The following CNTNAP5 variants were observed in gnomAD, a reference collection of about 807,000 sequenced individuals.
The protein encoded by CNTNAP5 is contactin associated protein family member 5, also known as contactin-associated protein-like 5.
A neutral mutation model predicts 150.2 loss-of-function variants in CNTNAP5; 72 were observed. The observed-to-expected ratio is 0.48, with a 90% CI of 0.40 to 0.58. The LOEUF (loss-of-function observed/expected upper bound fraction) is 0.58, where lower values mean the gene tolerates loss of function less well. CNTNAP5 is among the 20% of genes least tolerant of loss of function. The probability of loss-of-function intolerance (pLI) is 0.00; values close to 1 mark genes in which losing one functional copy is unlikely to be tolerated. For synonymous variants in CNTNAP5, 672 were observed against 619.8 expected, an observed-to-expected ratio of 1.08 and a Z score of -1.25; for missense variants, 1,636 against 1,626.2, an observed-to-expected ratio of 1.01 and a Z score of -0.10.
At chr2:124,863,491 A>G (rs1677566909) in intron 19 of CNTNAP5, among the ~76,000 whole-genome samples, 1 of 152,216 alleles carries the variant, frequency 6.6e-6, no homozygotes. Flanking sequence ...AACCACAGAA[A>G]GAGAATGAAC....
intron 3 of CNTNAP5, among the ~76,000 whole-genome samples, chr2:124,400,364 A>T (rs1261499683): frequency 1.3e-5 from 2 of 152,154 alleles, no homozygotes; most frequent in Non-Finnish European, 2.9e-5. Context: ...AAGACAAAAA[A>T]GATTTGTCAA....
intron 3 of CNTNAP5, among the ~76,000 whole-genome samples, chr2:124,246,756 T>C (rs1235657660): frequency 6.6e-6 from 1 of 152,158 alleles, no homozygotes; most frequent in Non-Finnish European, 1.5e-5. Flanking sequence ...TCTTCTGCCC[T>C]AATTCAATGT....
chr2:124,842,653 G>C (rs1023904736), intron 19 of CNTNAP5, among the ~76,000 whole-genome samples: 1 of 152,186 alleles, frequency 6.6e-6, no homozygotes, highest in African/African-American at 2.4e-5. Flanking sequence ...AATAGAAGAA[G>C]ATAATTGTTG....
intron 13 of CNTNAP5, among the ~76,000 whole-genome samples, chr2:124,699,318 C>T (rs957521452): frequency 1.2e-4 from 18 of 152,094 alleles, no homozygotes; most frequent in African/African-American, 3.4e-4. Context: ...GCTTTGGATG[C>T]GTTGCCTGTT....
chr2:124,425,565 TC>T (rs1435040416), intron 4 of CNTNAP5, among the ~76,000 whole-genome samples: 8 of 152,192 alleles, frequency 5.3e-5, no homozygotes, highest in Non-Finnish European at 1.2e-4. Flanking sequence ...AGTGGAGTGA[TC>T]ACTATCTTCT....
intron 1 of CNTNAP5, among the ~76,000 whole-genome samples, chr2:124,069,708 G>A (rs2420439): frequency 0.3 from 45,441 of 151,980 alleles, 7,109 homozygotes; most frequent in Admixed American, 0.37. Flanking sequence ...TGATAATCCA[G>A]AGAATTCTTT....
intron 17 of CNTNAP5, among the ~76,000 whole-genome samples, chr2:124,786,394 A>AGAAG (rs1553442110): frequency 1.6e-5 from 1 of 62,040 alleles, no homozygotes; most frequent in African/African-American, 7.2e-5. Context: ...AAAGAAAGAA[A>AGAAG]GAAAGAAGGA....
chr2:124,353,340 G>C (rs1469887939), intron 3 of CNTNAP5, among the ~76,000 whole-genome samples: 1 of 146,278 alleles, frequency 6.8e-6, no homozygotes, highest in African/African-American at 2.5e-5. Context: ...CATAAGAAGA[G>C]AGTGTGACAT....
intron 16 of CNTNAP5, among the ~76,000 whole-genome samples, chr2:124,769,412 C>G (rs142917443): frequency 2.3e-4 from 34 of 150,622 alleles, no homozygotes; most frequent in African/African-American, 8.0e-4. Flanking sequence ...AAGGCTAAGA[C>G]TCCTTAGTTT....
At chr2:124,222,143 T>C (rs536576196) in intron 2 of CNTNAP5, among the ~76,000 whole-genome samples, 1 of 152,246 alleles carries the variant, frequency 6.6e-6, no homozygotes, top group Non-Finnish European at 1.5e-5. Context: ...TATAATAAAA[T>C]ATTTATAATG....
At chr2:124,810,995 T>C (rs1215664093) in intron 19 of CNTNAP5, among the ~76,000 whole-genome samples, 5 of 151,832 alleles carry the variant, frequency 3.3e-5, no homozygotes, top group African/African-American at 9.7e-5. Context: ...TAGAATGAGA[T>C]ACAAGAAAAC....
intron 3 of CNTNAP5, among the ~76,000 whole-genome samples, chr2:124,296,581 C>T (rs558524486): frequency 1.3e-5 from 2 of 152,182 alleles, no homozygotes; most frequent in African/African-American, 4.8e-5. Flanking sequence ...ATACACCACA[C>T]TTTTGTCATT....
chr2:124,446,717 C>T, intron 5 of CNTNAP5, 36 bp from the exon 6 acceptor site: 3 of 1,598,178 alleles, frequency 1.9e-6, no homozygotes. Context: ...TGCCCTTGGA[C>T]ACAGACATCA....
intron 4 of CNTNAP5, among the ~76,000 whole-genome samples, chr2:124,419,794 G>A (rs974087537): frequency 3.9e-5 from 6 of 151,978 alleles, no homozygotes; most frequent in African/African-American, 7.2e-5. Context: ...TTTAAAAAAC[G>A]AATACATTTC....
At chr2:124,192,932 C>A (rs1685494578) in intron 1 of CNTNAP5, among the ~76,000 whole-genome samples, 1 of 152,146 alleles carries the variant, frequency 6.6e-6, no homozygotes, top group Non-Finnish European at 1.5e-5. Flanking sequence ...GCTAGAATTT[C>A]AAAATGAAGG....
intron 19 of CNTNAP5, among the ~76,000 whole-genome samples, chr2:124,827,381 C>A (rs986633387): frequency 6.6e-6 from 1 of 152,168 alleles, no homozygotes; most frequent in African/African-American, 2.4e-5. Flanking sequence ...AGTTAAAGTC[C>A]TTGTACTGGT....
chr2:124,620,625 A>C (rs976679669), intron 12 of CNTNAP5, among the ~76,000 whole-genome samples: 2 of 151,982 alleles, frequency 1.3e-5, no homozygotes, highest in Non-Finnish European at 2.9e-5. Context: ...GCCTTGGATA[A>C]ATCATCTAAC....
intron 20 of CNTNAP5, among the ~76,000 whole-genome samples, chr2:124,869,285 G>A (rs544299495): frequency 2.0e-5 from 3 of 152,188 alleles, no homozygotes; most frequent in African/African-American, 7.2e-5. Context: ...AGAGAGAAAG[G>A]GGGAGAAATG....
chr2:124,025,767 T>C (rs776481381), intron 1 of CNTNAP5, 35 bp downstream of exon 1: 36 of 1,501,384 alleles, frequency 2.4e-5, no homozygotes, highest in Non-Finnish European at 9.3e-7. Flanking sequence ...GAAGGTGAGG[T>C]GGAAAACGAT....
Sources: allele counts gnomAD v4.1 joint callset (sites outside exome capture counted in the v4.1 genomes callset), GRCh38; gene constraint gnomAD v4.1.1; transcripts MANE v1.5; gene names NCBI Gene and HGNC (gene_info 2026-07-23, HGNC 2026-07-21).